Variants in STIM2 observed in about 807,000 individuals in gnomAD.
STIM2 encodes stromal interaction molecule 2.
A neutral mutation model predicts 85.8 loss-of-function variants in STIM2; 31 were observed. The ratio of observed to expected loss-of-function variants is 0.36; its 90% confidence interval spans 0.27 to 0.49. The LOEUF (loss-of-function observed/expected upper bound fraction) is 0.49, where lower values mean the gene tolerates loss of function less well. Ranked by LOEUF, STIM2 falls within the 20% of genes least tolerant of loss-of-function variation. STIM2 has a pLI of 0.98. For missense variants in STIM2, 841 were observed against 927.6 expected, an observed-to-expected ratio of 0.91 and a Z score of 1.21; for synonymous variants, 356 against 331.1, an observed-to-expected ratio of 1.08 and a Z score of -0.82.
intron 2 of STIM2, among the ~76,000 whole-genome samples, chr4:26,951,012 CAGAT>C (rs1726028982): frequency 1.3e-5 from 2 of 152,114 alleles, no homozygotes; most frequent in South Asian, 4.2e-4. Context: ...TATTAAATAT[CAGAT>C]AGCTATATTG....
chr4:26,975,864 G>A (rs1727164612), intron 3 of STIM2, among the ~76,000 whole-genome samples: 1 of 152,226 alleles, frequency 6.6e-6, no homozygotes, highest in Admixed American at 6.5e-5. Flanking sequence ...CAGAGGTGGA[G>A]TCTAGAGGCA....
chr4:26,968,116 A>C (rs1726799200), intron 3 of STIM2, among the ~76,000 whole-genome samples: 1 of 152,126 alleles, frequency 6.6e-6, no homozygotes, highest in East Asian at 1.9e-4. Flanking sequence ...GGCTGCAGTG[A>C]GCCATGTTTG....
intron 1 of STIM2, among the ~76,000 whole-genome samples, chr4:26,866,308 A>G (rs953410820): frequency 3.3e-5 from 5 of 152,194 alleles, no homozygotes; most frequent in African/African-American, 1.2e-4. Flanking sequence ...TAGCAGAGTT[A>G]GAGGTTGACC....
At chr4:26,913,088 C>T (rs1044595944) in intron 1 of STIM2, among the ~76,000 whole-genome samples, 1 of 152,148 alleles carries the variant, frequency 6.6e-6, no homozygotes, top group African/African-American at 2.4e-5. Flanking sequence ...GGTTCCAGAG[C>T]TCATCTTATT....
chr4:26,879,164 T>G (rs547275294), intron 1 of STIM2, among the ~76,000 whole-genome samples: 1 of 152,354 alleles, frequency 6.6e-6, no homozygotes, highest in African/African-American at 2.4e-5. Flanking sequence ...CTCAGAAACT[T>G]ACCTATAATT....
intron 6 of STIM2, 92 bp downstream of exon 6, chr4:27,002,486 GTTA>G (rs751229733): frequency 9.4e-6 from 9 of 953,414 alleles, no homozygotes; most frequent in South Asian, 3.7e-5. Context: ...TTACATTTAG[GTTA>G]TTATACACAT....
chr4:27,015,810 T>G (rs1321087185), intron 10 of STIM2, among the ~76,000 whole-genome samples: 1 of 150,454 alleles, frequency 6.6e-6, no homozygotes, highest in African/African-American at 2.4e-5. Context: ...TTTTTGCTAA[T>G]ATTTGGTGTG....
Position 26,861,158 on chromosome 4 carries a change from T to TC in STIM2, c.-58dup. On this transcript the variant is annotated 5_prime_UTR_variant, in exon 1 of 12. Transcript: ENST00000467087. ...ACCCGGCTTCTCCTCGGCGCCTTCA[T>TC]CCCGCCTCGACTCCTGGCCCAGCGT... is the stretch of plus-strand genomic sequence containing the variant. The TC allele has an allele frequency of 7.5e-7, 1 of 1,336,436 alleles. No homozygotes were observed. Among genetic ancestry groups the TC allele is most frequent in the Non-Finnish European group, 9.6e-7 (1 of 1,043,022 alleles). 82.8% of individuals were successfully genotyped at this position (1,336,436 alleles called of 1,614,324 possible).
At chr4:26,947,754 C>A (rs1236536251) in intron 2 of STIM2, among the ~76,000 whole-genome samples, 2 of 152,170 alleles carry the variant, frequency 1.3e-5, no homozygotes, top group Non-Finnish European at 2.9e-5. Context: ...GAAGCCACGG[C>A]CTCTTCATTC....
chr4:27,017,479 A>G (rs1040297030), intron 10 of STIM2, among the ~76,000 whole-genome samples: 2 of 150,188 alleles, frequency 1.3e-5, no homozygotes, highest in African/African-American at 4.9e-5. Flanking sequence ...TTAAAGCCTC[A>G]TGTTTATGTT....
intron 2 of STIM2, among the ~76,000 whole-genome samples, chr4:26,932,026 A>G (rs559599951): frequency 6.6e-6 from 1 of 152,364 alleles, no homozygotes; most frequent in African/African-American, 2.4e-5. Flanking sequence ...TATTTGTTCC[A>G]TCGTATAAGC....
chr4:27,002,896 T>C, intron 6 of STIM2, 31 bp from the exon 7 acceptor site: 1 of 1,473,668 alleles, frequency 6.8e-7, no homozygotes, highest in South Asian at 1.5e-5. Context: ...GAAATTTTTG[T>C]GAGGAATTTT....
chr4:27,009,319 C>CT (rs1238390570), intron 10 of STIM2, among the ~76,000 whole-genome samples: 2 of 151,910 alleles, frequency 1.3e-5, no homozygotes, highest in Non-Finnish European at 2.9e-5. Flanking sequence ...GAATATAAGA[C>CT]TTTTTTTAAA....
At chr4:26,985,681 T>TA (rs1158555299) in intron 3 of STIM2, among the ~76,000 whole-genome samples, 2 of 152,210 alleles carry the variant, frequency 1.3e-5, no homozygotes, top group African/African-American at 4.8e-5. Flanking sequence ...ATACTGTTTG[T>TA]AACAGTCTGT....
chr4:27,019,376 C>G (rs1161559278), intron 11 of STIM2: 12 of 1,261,768 alleles, frequency 9.5e-6, no homozygotes, highest in Non-Finnish European at 1.2e-5. Flanking sequence ...CACTTTATGA[C>G]TAGCTTTTCG....
intron 1 of STIM2, among the ~76,000 whole-genome samples, chr4:26,912,507 A>G (rs1295320900): frequency 6.6e-6 from 1 of 152,206 alleles, no homozygotes; most frequent in Non-Finnish European, 1.5e-5. Flanking sequence ...AGAATATGCC[A>G]TATTTATTCC....
rs1728959578 is a variant in STIM2 at position 27,022,860 on chromosome 4, G to A, written c.2105G>A (p.Gly702Asp). 1 of 1,614,054 alleles carries A rather than the reference G, an allele frequency of 6.2e-7. No homozygotes were observed. The highest frequency in any genetic ancestry group is 1.7e-5 in the Admixed American group (1 of 59,996). The change falls in exon 12 of 12, where the codon GGC becomes GAC. Residue 702 changes from glycine to aspartate, a missense_variant. Transcript: ENST00000467087. ...CGCCACACATCATGTTCCTCAGCTG[G>A]CAACGACAGTAAACCAGTTCAGGAA...
At chr4:26,943,231 T>A (rs985435392) in intron 2 of STIM2, among the ~76,000 whole-genome samples, 4 of 152,134 alleles carry the variant, frequency 2.6e-5, no homozygotes, top group African/African-American at 9.7e-5. Context: ...TTTTAACACA[T>A]CAATTATTTG....
At chr4:27,006,294 T>C (rs1728329778) in intron 7 of STIM2, among the ~76,000 whole-genome samples, 1 of 152,252 alleles carries the variant, frequency 6.6e-6, no homozygotes, top group African/African-American at 2.4e-5. Context: ...AACTGACAGC[T>C]GTTCTATTTC....
Sources: allele counts gnomAD v4.1 joint callset (sites outside exome capture counted in the v4.1 genomes callset), GRCh38; gene constraint gnomAD v4.1.1; transcripts MANE v1.5; gene names NCBI Gene and HGNC (gene_info 2026-07-23, HGNC 2026-07-21).